CIRSR: variants seen among roughly 807,000 people sequenced by gnomAD.
CIRSR encodes the protein corepressor of RBPJ and splicing regulator.
chr2:174,395,560 A>G, the CIRSR span: 1 of 1,613,984 alleles, frequency 6.2e-7, no homozygotes, highest in Non-Finnish European at 8.5e-7. Context: ...CTTTTTTGAT[A>G]TTGGATTTGG....
the CIRSR span, among the ~76,000 whole-genome samples, chr2:174,387,011 A>T: frequency 6.6e-6 from 1 of 152,180 alleles, no homozygotes; most frequent in Non-Finnish European, 1.5e-5. Flanking sequence ...AGATTAAATA[A>T]AATTAGTGAG....
chr2:174,395,712 C>A, the CIRSR span: 2 of 1,611,268 alleles, frequency 1.2e-6, no homozygotes, highest in Non-Finnish European at 1.7e-6. Context: ...TTTCCAGCAG[C>A]AAGGGGGAAC....
the CIRSR span, among the ~76,000 whole-genome samples, chr2:174,391,461 G>A: frequency 6.6e-6 from 1 of 152,156 alleles, no homozygotes; most frequent in Non-Finnish European, 1.5e-5. Context: ...GTGGTGGTGT[G>A]TATCTGTAAT....
At chr2:174,363,575 T>C in the CIRSR span, among the ~76,000 whole-genome samples, 11 of 152,168 alleles carry the variant, frequency 7.2e-5, no homozygotes, top group African/African-American at 1.9e-4. Context: ...GATAAAGACA[T>C]ACCCTAGACT....
At chr2:174,375,791 C>T in the CIRSR span, among the ~76,000 whole-genome samples, 1 of 152,126 alleles carries the variant, frequency 6.6e-6, no homozygotes, top group Non-Finnish European at 1.5e-5. Flanking sequence ...TGAATTCCTC[C>T]TTTTGTAAAC....
chr2:174,387,503 G>A, the CIRSR span: 3 of 537,482 alleles, frequency 5.6e-6, no homozygotes, highest in Non-Finnish European at 9.3e-6. Flanking sequence ...TGAATTATGG[G>A]TAAAGCTGGA....
At chr2:174,358,111 C>G in the CIRSR span, 1 of 152,026 alleles carries the variant, frequency 6.6e-6, no homozygotes, top group Non-Finnish European at 1.5e-5. Context: ...CTAAACATTT[C>G]GTTTTAGTCT....
chr2:174,348,215 GT>G, the CIRSR span: 1 of 319,042 alleles, frequency 3.1e-6, no homozygotes, highest in Admixed American at 4.4e-5. Flanking sequence ...GTTATATGCG[GT>G]TTTTATCTGG....
the CIRSR span, among the ~76,000 whole-genome samples, chr2:174,354,231 T>C: frequency 6.6e-6 from 1 of 150,516 alleles, no homozygotes; most frequent in African/African-American, 2.4e-5. Flanking sequence ...ACTTTCACAA[T>C]GTATGACTGT....
chr2:174,386,372 G>C, the CIRSR span, among the ~76,000 whole-genome samples: 1 of 152,204 alleles, frequency 6.6e-6, no homozygotes, highest in South Asian at 2.1e-4. Flanking sequence ...AGTAGAAACG[G>C]GGTTTCTCCA....
chr2:174,352,216 C>G, the CIRSR span, among the ~76,000 whole-genome samples: 5 of 151,550 alleles, frequency 3.3e-5, no homozygotes, highest in Admixed American at 3.3e-4. Flanking sequence ...CACACACACA[C>G]ACACACACAC....
At chr2:174,351,761 A>G in the CIRSR span, 4 of 1,555,206 alleles carry the variant, frequency 2.6e-6, no homozygotes, top group African/African-American at 1.4e-5. Context: ...TGTATCATTT[A>G]TATCTCTCTA....
chr2:174,354,582 TATATATATC>T, the CIRSR span, among the ~76,000 whole-genome samples: 214 of 15,136 alleles, frequency 0.014, 4 homozygotes, highest in East Asian at 0.087. Flanking sequence ...TATTATATAT[TATATATATC>T]ATATAATATA....
At chr2:174,383,646 G>A in the CIRSR span, among the ~76,000 whole-genome samples, 4 of 149,022 alleles carry the variant, frequency 2.7e-5, no homozygotes, top group South Asian at 2.1e-4. Flanking sequence ...CTTGAACCTC[G>A]CAGGCAGAGG....
chr2:174,387,280 CGAA>C, the CIRSR span: 7 of 157,784 alleles, frequency 4.4e-5, no homozygotes, highest in African/African-American at 1.7e-4. Flanking sequence ...ACTCTAGCCA[CGAA>C]ACAGCTTTTA....
chr2:174,349,058 G>T, the CIRSR span: 1 of 1,592,050 alleles, frequency 6.3e-7, no homozygotes. Context: ...AGGAGGAGGA[G>T]GAGGAAGATG....
the CIRSR span, among the ~76,000 whole-genome samples, chr2:174,361,633 T>G: frequency 1.3e-5 from 2 of 152,226 alleles, no homozygotes; most frequent in Non-Finnish European, 2.9e-5. Flanking sequence ...AATCAAGAAT[T>G]AGGAAAAATT....
chr2:174,387,338 C>G, the CIRSR span: 5 of 174,058 alleles, frequency 2.9e-5, no homozygotes. Context: ...TTTACCTTTC[C>G]TCTTGAAAGT....
At chr2:174,386,780 T>C in the CIRSR span, among the ~76,000 whole-genome samples, 4 of 152,220 alleles carry the variant, frequency 2.6e-5, no homozygotes, top group Non-Finnish European at 5.9e-5. Flanking sequence ...CCATAAAGTC[T>C]TCTGTTAACC....
Sources: gnomAD v4.1 joint callset for allele counts (sites outside exome capture counted in the v4.1 genomes callset) on GRCh38, gnomAD v4.1.1 for gene constraint, MANE v1.5 for transcripts, NCBI Gene and HGNC (gene_info 2026-07-23, HGNC 2026-07-21) for gene names.